TSHZ2: variants seen among roughly 807,000 people sequenced by gnomAD.
TSHZ2 encodes the protein teashirt zinc finger homeobox 2.
A neutral mutation model predicts 74.4 loss-of-function variants in TSHZ2; 21 were observed. That is an observed-to-expected ratio of 0.28 (90% CI 0.20 to 0.41). The LOEUF is 0.41. TSHZ2 is among the 10% of genes least tolerant of loss of function. TSHZ2 has a pLI of 1.00. For missense variants in TSHZ2, 1,244 were observed against 1,293.5 expected (o/e 0.96, Z 0.59); for synonymous variants, 540 against 515.3 (o/e 1.05, Z -0.65).
chr20:53,391,450 T>TTTTG (rs1364141533), intron 2 of TSHZ2, among the ~76,000 whole-genome samples: 2 of 151,566 alleles, frequency 1.3e-5, no homozygotes, highest in African/African-American at 4.8e-5. Context: ...AGGCCGTTTT[T>TTTTG]TTTGTTTGTT....
At chr20:53,284,691 G>A (rs983944047) in intron 2 of TSHZ2, among the ~76,000 whole-genome samples, 1 of 151,914 alleles carries the variant, frequency 6.6e-6, no homozygotes. Flanking sequence ...AAATCTTGTT[G>A]GGATTTTCCC....
At chr20:53,249,982 G>C (rs1990289590) in intron 1 of TSHZ2, among the ~76,000 whole-genome samples, 1 of 152,300 alleles carries the variant, frequency 6.6e-6, no homozygotes, top group Non-Finnish European at 1.5e-5. Context: ...GGCTAGAGCA[G>C]TGGCCATGGA....
chr20:53,160,698 T>C (rs1987908181), intron 1 of TSHZ2, among the ~76,000 whole-genome samples: 1 of 148,196 alleles, frequency 6.7e-6, no homozygotes, highest in South Asian at 2.1e-4. Context: ...TGAGCTGAGA[T>C]TGTGCCACTG....
At chr20:53,280,970 C>A (rs142020737) in intron 2 of TSHZ2, among the ~76,000 whole-genome samples, 2 of 152,164 alleles carry the variant, frequency 1.3e-5, no homozygotes, top group African/African-American at 4.8e-5. Flanking sequence ...GGATTACAGG[C>A]GTGAGCCACC....
intron 1 of TSHZ2, among the ~76,000 whole-genome samples, chr20:53,115,112 A>G (rs1033534828): frequency 1.3e-4 from 20 of 152,118 alleles, no homozygotes; most frequent in Non-Finnish European, 2.6e-4. Flanking sequence ...ATGCTCATCA[A>G]GGCCCTACTC....
intron 1 of TSHZ2, among the ~76,000 whole-genome samples, chr20:53,162,666 G>A (rs1011371108): frequency 1.3e-5 from 2 of 152,164 alleles, no homozygotes; most frequent in African/African-American, 4.8e-5. Context: ...GGTACTCTGG[G>A]AATTCATTAG....
chr20:53,258,089 A>G (rs1600773191), intron 2 of TSHZ2, among the ~76,000 whole-genome samples: 1 of 152,348 alleles, frequency 6.6e-6, no homozygotes, highest in Admixed American at 6.5e-5. Context: ...CTTCTGATGG[A>G]GAGGAGTCCT....
intron 1 of TSHZ2, among the ~76,000 whole-genome samples, chr20:53,142,726 G>C (rs1987435098): frequency 6.6e-6 from 1 of 151,848 alleles, no homozygotes; most frequent in South Asian, 2.1e-4. Flanking sequence ...CATTTGCAGA[G>C]TGCATTCAAA....
chr20:52,998,843 G>A (rs539185980), intron 1 of TSHZ2, among the ~76,000 whole-genome samples: 4 of 152,244 alleles, frequency 2.6e-5, no homozygotes, highest in Admixed American at 1.3e-4. Context: ...TATTGTAGGC[G>A]TATTGCTGGC....
At chr20:53,460,782 C>T (rs1376906592) in intron 2 of TSHZ2, among the ~76,000 whole-genome samples, 4 of 152,074 alleles carry the variant, frequency 2.6e-5, no homozygotes, top group Admixed American at 6.5e-5. Context: ...GACCCTCAGC[C>T]ACAGGTCTGT....
intron 1 of TSHZ2, chr20:53,198,414 C>T (rs1376729831): frequency 6.6e-6 from 1 of 152,072 alleles, no homozygotes. Context: ...CCTCAAAACA[C>T]CCTAGGAAGT....
At chr20:53,001,214 G>GTGTGTGTGTGTGTA (rs1555813555) in intron 1 of TSHZ2, among the ~76,000 whole-genome samples, 2 of 125,892 alleles carry the variant, frequency 1.6e-5, no homozygotes, top group African/African-American at 3.4e-5. Flanking sequence ...GCGTGTGTGT[G>GTGTGTGTGTGTGTA]TGTGTGTGTG....
intron 1 of TSHZ2, among the ~76,000 whole-genome samples, chr20:53,112,030 T>G (rs1234488180): frequency 1.3e-5 from 2 of 152,148 alleles, no homozygotes; most frequent in African/African-American, 4.8e-5. Context: ...CCCGGCCTCA[T>G]CAAGAACTGA....
chr20:53,440,427 G>A (rs1984266847), intron 2 of TSHZ2, among the ~76,000 whole-genome samples: 1 of 152,146 alleles, frequency 6.6e-6, no homozygotes, highest in South Asian at 2.1e-4. Flanking sequence ...TTTCAGCTTG[G>A]GAGACCTTAC....
At chr20:53,225,043 C>T (rs1016905046) in intron 1 of TSHZ2, among the ~76,000 whole-genome samples, 9 of 152,122 alleles carry the variant, frequency 5.9e-5, no homozygotes, top group African/African-American at 1.7e-4. Context: ...GTTGCAACTG[C>T]TCCACTCTGC....
intron 2 of TSHZ2, chr20:53,453,044 C>G (rs1275799935): frequency 6.6e-6 from 1 of 152,174 alleles, no homozygotes; most frequent in African/African-American, 2.4e-5. Flanking sequence ...TATAAATCAG[C>G]TACAAGGCTC....
chr20:53,086,124 A>G (rs1351126717), intron 1 of TSHZ2, among the ~76,000 whole-genome samples: 3 of 152,184 alleles, frequency 2.0e-5, no homozygotes, highest in Admixed American at 2.0e-4. Flanking sequence ...CATCTCAATC[A>G]AGGTTTCTTT....
At chr20:52,986,728 C>CA (rs982599218) in intron 1 of TSHZ2, among the ~76,000 whole-genome samples, 9 of 150,134 alleles carry the variant, frequency 6.0e-5, no homozygotes, top group South Asian at 2.1e-4. Flanking sequence ...AACTCCGTCT[C>CA]AAAAAAAAAG....
chr20:53,066,454 G>A (rs1237248069), intron 1 of TSHZ2, among the ~76,000 whole-genome samples: 1 of 152,070 alleles, frequency 6.6e-6, no homozygotes, highest in African/African-American at 2.4e-5. Context: ...TGGAGGTGAA[G>A]TGGACCTCCG....
Sources: allele counts gnomAD v4.1 joint callset (sites outside exome capture counted in the v4.1 genomes callset), GRCh38; gene constraint gnomAD v4.1.1; transcripts MANE v1.5; gene names NCBI Gene and HGNC (gene_info 2026-07-23, HGNC 2026-07-21).